Variants in NAV3 observed in about 807,000 individuals in gnomAD.
NAV3 encodes the protein neuron navigator 3.
In NAV3, 87 loss-of-function variants were observed where a neutral mutation model predicts 244.7. That is an observed-to-expected ratio of 0.36 (90% CI 0.30 to 0.42). NAV3 has a LOEUF of 0.42. NAV3 is among the 20% of genes least tolerant of loss of function. The pLI is 1.00. For synonymous variants in NAV3, 1,126 were observed against 1,042.2 expected (o/e 1.08, Z -1.55); for missense variants, 2,663 against 2,893.3 (o/e 0.92, Z 1.83).
At chr12:77,599,893 G>T (rs1327586276) in intron 2 of NAV3, among the ~76,000 whole-genome samples, 1 of 151,874 alleles carries the variant, frequency 6.6e-6, no homozygotes, top group Non-Finnish European at 1.5e-5. Flanking sequence ...GTACAGGAAG[G>T]CCTGTTAATG....
chr12:78,123,505 A>G (rs865848406), intron 16 of NAV3, among the ~76,000 whole-genome samples: 6 of 148,122 alleles, frequency 4.1e-5, no homozygotes, highest in Non-Finnish European at 6.0e-5. Flanking sequence ...GGATGTCCCA[A>G]TTTGAAATTC....
intron 1 of NAV3, among the ~76,000 whole-genome samples, chr12:77,922,328 C>A (rs1631313): frequency 6.6e-6 from 1 of 151,944 alleles, no homozygotes; most frequent in Non-Finnish European, 1.5e-5. Flanking sequence ...GGAGGGCCAG[C>A]GCTTCTTTTC....
intron 2 of NAV3, among the ~76,000 whole-genome samples, chr12:77,579,324 G>T (rs545504419): frequency 1.3e-5 from 2 of 152,326 alleles, no homozygotes; most frequent in South Asian, 4.1e-4. Flanking sequence ...ACATTGAAAA[G>T]AAGTGGTGGT....
chr12:77,778,006 A>C (rs1299219659), intron 2 of NAV3, among the ~76,000 whole-genome samples: 1 of 151,980 alleles, frequency 6.6e-6, no homozygotes, highest in Non-Finnish European at 1.5e-5. Flanking sequence ...GGGTTTCACC[A>C]TGTTGGTCAG....
At chr12:78,001,453 G>A (rs544833362) in intron 7 of NAV3, among the ~76,000 whole-genome samples, 2 of 152,102 alleles carry the variant, frequency 1.3e-5, no homozygotes, top group African/African-American at 4.8e-5. Context: ...GTAATACATA[G>A]TAAAGGTTTA....
At chr12:77,856,170 G>C (rs1008227116) in intron 1 of NAV3, among the ~76,000 whole-genome samples, 2 of 152,056 alleles carry the variant, frequency 1.3e-5, no homozygotes, top group African/African-American at 4.8e-5. Flanking sequence ...TTTACCAATG[G>C]ATATATATAA....
rs78708882 is a variant in NAV3 at position 77,661,172 on chromosome 12, T to A, written c.72+88906T>A. Among the ~76,000 whole-genome samples the A allele has an allele frequency of 1.1e-3, 163 of 152,272 alleles. 1 individual carries two copies. Among genetic ancestry groups the A allele is most frequent in the African/African-American group, 3.5e-3 (146 of 41,570 alleles). ...TGAATAACTGGAAAACTGTTTTTCA[T>A]TGTGGACGTACCGTTTTACATTCCC... is the stretch of plus-strand genomic sequence containing the variant. On this transcript the variant is annotated intron_variant, in intron 2 of 8. Transcript: ENST00000550042.
At position 78,085,545 on chromosome 12, in the gene NAV3, A is replaced by G. The variant is rs550938716; in HGVS notation, c.2636+26430A>G. On this transcript the variant is annotated intron_variant, in intron 12 of 39. Transcript: ENST00000397909. The stretch of plus-strand genomic sequence containing the variant: ...ACAACTTACTATAGTGGCAATTCAC[A>G]CTAGTTTCTTTCCTTCTAAAGTGAT... Among the ~76,000 whole-genome samples the G allele has an allele frequency of 2.0e-5, 3 of 152,302 alleles. No individual in the cohort carries two copies. The East Asian group carries it at 5.8e-4, about 29-fold the overall frequency.
At chr12:77,780,545 G>C (rs566331274) in intron 2 of NAV3, among the ~76,000 whole-genome samples, 1 of 152,304 alleles carries the variant, frequency 6.6e-6, no homozygotes, top group African/African-American at 2.4e-5. Context: ...TTTAAGCTCA[G>C]ATGAGCTAGT....
chr12:77,911,108 C>G (rs1036359490), intron 1 of NAV3, among the ~76,000 whole-genome samples: 1 of 152,052 alleles, frequency 6.6e-6, no homozygotes, highest in African/African-American at 2.4e-5. Context: ...AATGAATACC[C>G]TTAAGGCAGT....
Position 77,870,942 on chromosome 12 carries a change from G to A in NAV3, c.243+39238G>A, listed in dbSNP as rs372194855. On this transcript the variant is annotated intron_variant, in intron 1 of 39. Transcript: ENST00000397909. The stretch of plus-strand genomic sequence containing the variant: ...TTAAAGTTTTCCTGGAGACAACAGG[G>A]AGGTAAAGAGATTAAAAAATTGTAC... Among the ~76,000 whole-genome samples, 86 of 152,296 alleles carry A rather than the reference G, an allele frequency of 5.6e-4. 1 individual carries two copies. Among genetic ancestry groups the A allele is most frequent in the South Asian group, 2.3e-3 (11 of 4,828 alleles).
chr12:78,037,115 C>T (rs1412360065), intron 9 of NAV3: 1 of 702,898 alleles, frequency 1.4e-6, no homozygotes, highest in African/African-American at 1.7e-5. Flanking sequence ...ACACCAGCAG[C>T]TCAGCCTGGA....
chr12:77,575,495 A>G (rs1869037934), intron 2 of NAV3, among the ~76,000 whole-genome samples: 1 of 152,068 alleles, frequency 6.6e-6, no homozygotes, highest in African/African-American at 2.4e-5. Context: ...GAATGCCCAT[A>G]ATGGAGTGTT....
intron 3 of NAV3, among the ~76,000 whole-genome samples, chr12:77,956,988 C>T (rs1262066350): frequency 1.3e-5 from 2 of 152,168 alleles, no homozygotes; most frequent in Admixed American, 6.5e-5. Context: ...GGTGATCTGC[C>T]CACCTCAGCC....
chr12:77,880,861 T>C (rs1018019012), intron 1 of NAV3, among the ~76,000 whole-genome samples: 20 of 152,296 alleles, frequency 1.3e-4, no homozygotes, highest in African/African-American at 4.3e-4. Context: ...CTACACTCTA[T>C]GATGTTCACA....
chr12:78,155,987 G>A (rs1268072457), intron 22 of NAV3, among the ~76,000 whole-genome samples: 1 of 152,070 alleles, frequency 6.6e-6, no homozygotes, highest in Non-Finnish European at 1.5e-5. Context: ...TTGCTATGCT[G>A]AAGGTCTTTA....
chr12:77,796,767 T>C (rs1871425775), intron 2 of NAV3, among the ~76,000 whole-genome samples: 1 of 152,196 alleles, frequency 6.6e-6, no homozygotes, highest in Non-Finnish European at 1.5e-5. Context: ...CACGACTTTA[T>C]ACCAGCAAAA....
At chr12:77,696,471 A>G (rs145855395) in intron 2 of NAV3, among the ~76,000 whole-genome samples, 1 of 152,224 alleles carries the variant, frequency 6.6e-6, no homozygotes, top group East Asian at 1.9e-4. Context: ...ATGCGTTCTG[A>G]AGCAGATTTC....
chr12:78,175,571 A>G (rs1031237989), intron 25 of NAV3, 144 bp downstream of exon 25: 1 of 1,016,086 alleles, frequency 9.8e-7, no homozygotes. Flanking sequence ...ACTCATCACC[A>G]AAATTGGAGT....
Sources: gnomAD v4.1 joint callset for allele counts (sites outside exome capture counted in the v4.1 genomes callset) on GRCh38, gnomAD v4.1.1 for gene constraint, MANE v1.5 for transcripts, NCBI Gene and HGNC (gene_info 2026-07-23, HGNC 2026-07-21) for gene names.